The following MTFR1 variants were observed in gnomAD, a reference collection of about 807,000 sequenced individuals.
The protein encoded by MTFR1 is mitochondrial fission regulator 1.
MTFR1 carries 28 observed loss-of-function variants against 38.8 expected under a neutral mutation model. The ratio of observed to expected loss-of-function variants is 0.72; its 90% CI spans 0.53 to 0.99. The LOEUF (loss-of-function observed/expected upper bound fraction) is 0.99, where lower values mean the gene tolerates loss of function less well. MTFR1 is among the 50% of genes least tolerant of loss of function. The pLI is 0.00. For missense variants in MTFR1, 358 were observed against 395.5 expected, an observed-to-expected ratio of 0.91 and a Z score of 0.81; for synonymous variants, 145 against 137.0, an observed-to-expected ratio of 1.06 and a Z score of -0.41.
intron 1 of MTFR1, among the ~76,000 whole-genome samples, chr8:65,649,880 C>T (rs1412617230): frequency 6.6e-6 from 1 of 151,718 alleles, no homozygotes; most frequent in African/African-American, 2.4e-5. Context: ...GCTCTGTCAC[C>T]AAGGCTGCAG....
chr8:65,724,036 T>A (rs1048506339), intron 3 of MTFR1, among the ~76,000 whole-genome samples: 1 of 152,194 alleles, frequency 6.6e-6, no homozygotes, highest in African/African-American at 2.4e-5. Context: ...TCTATACTCA[T>A]AAATGCATAA....
At chr8:65,751,139 G>A (rs1807933742) in intron 3 of MTFR1, among the ~76,000 whole-genome samples, 1 of 152,194 alleles carries the variant, frequency 6.6e-6, no homozygotes, top group Admixed American at 6.5e-5. Context: ...GGGTCTGAGG[G>A]CCTCATACAG....
At chr8:65,655,941 T>TAA (rs796493246) in intron 1 of MTFR1, among the ~76,000 whole-genome samples, 15 of 77,618 alleles carry the variant, frequency 1.9e-4, no homozygotes, top group African/African-American at 1.0e-3. Flanking sequence ...GACTCTGTCT[T>TAA]AAAAAAAAAA....
chr8:65,678,720 G>A (rs1160221465), intron 2 of MTFR1, among the ~76,000 whole-genome samples: 2 of 152,002 alleles, frequency 1.3e-5, no homozygotes, highest in South Asian at 4.1e-4. Flanking sequence ...GGCCAACATC[G>A]TGAAACCCCG....
chr8:65,650,454 G>A (rs1809091974), intron 1 of MTFR1, among the ~76,000 whole-genome samples: 1 of 152,124 alleles, frequency 6.6e-6, no homozygotes, highest in South Asian at 2.1e-4. Flanking sequence ...TTACAGGTGT[G>A]AGCCACCGCG....
At chr8:65,747,236 C>G (rs1352823890) in intron 3 of MTFR1, among the ~76,000 whole-genome samples, 1 of 152,150 alleles carries the variant, frequency 6.6e-6, no homozygotes, top group Non-Finnish European at 1.5e-5. Context: ...ACTTTCTGTG[C>G]TGGGTTTACC....
chr8:65,727,153 G>C lies in MTFR1; in HGVS notation c.*48+7672G>C, dbSNP rs751291970. The C allele has an allele frequency of 2.2e-6, 3 of 1,384,258 alleles. No homozygotes were observed. In the East Asian group the frequency reaches 6.9e-5, roughly 32 times the overall value. The allele number at this position is 1,384,258 out of a possible 1,614,324, so 85.7% of individuals were successfully genotyped here. A position where few individuals can be genotyped will look rare whatever the true frequency, so the allele number is the denominator to read the frequency against. ...GAATGCAAAAATAATAAATCTTGAT[G>C]ATAAAATTGCACTAACCTTGTATAA... On this transcript the variant is annotated intron_variant, in intron 3 of 3. Coordinates refer to the MTFR1 transcript ENST00000521247.
intron 4 of MTFR1, among the ~76,000 whole-genome samples, chr8:65,694,382 T>C (rs763620733): frequency 6.6e-6 from 1 of 152,112 alleles, no homozygotes; most frequent in Non-Finnish European, 1.5e-5. Context: ...GCCTATTTTT[T>C]ACTTTTTTTG....
chr8:65,711,910 T>C (rs1198565294), downstream of MTFR1, among the ~76,000 whole-genome samples: 1 of 152,212 alleles, frequency 6.6e-6, no homozygotes, highest in South Asian at 2.1e-4. Flanking sequence ...AAGTGTCCTT[T>C]AGACATTTTC....
intron 1 of MTFR1, among the ~76,000 whole-genome samples, chr8:65,653,534 AG>A (rs1205379313): frequency 6.6e-6 from 1 of 152,062 alleles, no homozygotes; most frequent in African/African-American, 2.4e-5. Context: ...TAAGAAAGAA[AG>A]AAAAAAACAG....
intron 1 of MTFR1, among the ~76,000 whole-genome samples, chr8:65,651,315 C>T (rs1286387739): frequency 6.6e-6 from 1 of 152,036 alleles, no homozygotes; most frequent in Non-Finnish European, 1.5e-5. Context: ...TCTCATTTGT[C>T]CTTTTTTTGC....
At chr8:65,735,335 A>G (rs917479894) in intron 3 of MTFR1, among the ~76,000 whole-genome samples, 2 of 152,082 alleles carry the variant, frequency 1.3e-5, no homozygotes, top group Non-Finnish European at 2.9e-5. Flanking sequence ...TTGAGACAGG[A>G]TCTCACTTCG....
chr8:65,663,599 C>T (rs1804277041), intron 1 of MTFR1, among the ~76,000 whole-genome samples: 1 of 149,792 alleles, frequency 6.7e-6, no homozygotes, highest in South Asian at 2.1e-4. Flanking sequence ...AAAATACCCC[C>T]AAAATGTGAA....
downstream of MTFR1, chr8:65,714,906 T>C (rs908684044): frequency 2.0e-5 from 3 of 152,240 alleles, no homozygotes; most frequent in Non-Finnish European, 4.4e-5. Context: ...TGATTTTTAC[T>C]TTTATACAGA....
intron 3 of MTFR1, among the ~76,000 whole-genome samples, chr8:65,688,512 A>G (rs1273789511): frequency 1.0e-4 from 15 of 144,484 alleles, no homozygotes; most frequent in East Asian, 4.4e-4. Flanking sequence ...GCAGTGGCGC[A>G]ATCTCGGCTC....
intron 4 of MTFR1, 49 bp downstream of exon 4, chr8:65,693,808 A>G: frequency 7.1e-7 from 1 of 1,399,164 alleles, no homozygotes; most frequent in South Asian, 1.2e-5. Flanking sequence ...TATTTTTTTA[A>G]AGAATGATAT....
chr8:65,733,398 A>G (rs375167111), intron 3 of MTFR1, among the ~76,000 whole-genome samples: 72 of 152,254 alleles, frequency 4.7e-4, no homozygotes, highest in African/African-American at 1.5e-3. Context: ...TTACTCATCA[A>G]TCTCTCCCAC....
At chr8:65,751,325 G>A (rs1585870177) in intron 3 of MTFR1, among the ~76,000 whole-genome samples, 1 of 152,218 alleles carries the variant, frequency 6.6e-6, no homozygotes. Context: ...AATATGTAAT[G>A]CATTCACGTT....
rs1044583444 is a variant in MTFR1, at chr8:65,708,839, GT to G, written c.934-133del. ...CATAACAACCCATCAATTTGTAAAG[GT>G]TTTAATATTCCCAGTAGTTGCTTGG... On this transcript the variant is annotated intron_variant, in intron 7 of 7. Transcript: ENST00000262146. The G allele has an allele frequency of 3.7e-5, 28 of 753,414 alleles. 1 individual carries two copies. In the Admixed American group the frequency reaches 4.4e-4, roughly 12 times the overall value. The allele number at this position is 753,414 out of a possible 1,614,324, so 46.7% of individuals were successfully genotyped here. A position where few individuals can be genotyped will look rare whatever the true frequency, so the allele number is the denominator to read the frequency against.
Sources: gnomAD v4.1 joint callset for allele counts (sites outside exome capture counted in the v4.1 genomes callset) on GRCh38, gnomAD v4.1.1 for gene constraint, MANE v1.5 for transcripts, NCBI Gene and HGNC (gene_info 2026-07-23, HGNC 2026-07-21) for gene names.